RBFOX1: variants seen among roughly 807,000 people sequenced by gnomAD.
RBFOX1 encodes RNA binding protein fox-1 homolog 1.
A neutral mutation model predicts 57.7 loss-of-function variants in RBFOX1; 8 were observed. The ratio of observed to expected loss-of-function variants is 0.14; its 90% CI spans 0.08 to 0.25. The LOEUF (loss-of-function observed/expected upper bound fraction) is 0.25. RBFOX1 is among the 10% of genes least tolerant of loss of function. RBFOX1 has a pLI of 1.00. For synonymous variants in RBFOX1, 326 were observed against 222.4 expected (o/e 1.47, Z -4.15); for missense variants, 611 against 548.5 (o/e 1.11, Z -1.14).
At chr16:5,761,503 C>G (rs528730968) in intron 3 of RBFOX1, among the ~76,000 whole-genome samples, 8 of 152,294 alleles carry the variant, frequency 5.3e-5, no homozygotes, top group Non-Finnish European at 1.0e-4. Flanking sequence ...TGGGAGTCCT[C>G]ACAATCATGA....
At chr16:7,702,955 A>T (rs551441298) in intron 14 of RBFOX1, among the ~76,000 whole-genome samples, 1 of 152,184 alleles carries the variant, frequency 6.6e-6, no homozygotes, top group African/African-American at 2.4e-5. Context: ...TTACCTTCTG[A>T]TGTCCCCCTT....
At position 6,456,036 on chromosome 16, in the gene RBFOX1, A is replaced by T. The variant is rs554959579; in HGVS notation, c.-64+138979A>T. Among the ~76,000 whole-genome samples, 5 of 53,838 alleles carry T rather than the reference A, an allele frequency of 9.3e-5. No homozygotes were observed. In the East Asian group the frequency reaches 2.6e-3, roughly 29 times the overall value. The allele number at this position is 53,838 out of a possible 152,430, so 35.3% of individuals were successfully genotyped here. On this transcript the variant is annotated intron_variant, in intron 2 of 15. Coordinates refer to ENST00000550418, the MANE Select transcript of RBFOX1 (RefSeq NM_018723.4). ...CTGATAAAATGCAAAGAAAAGAAGAAAGAAAAAAAGAAACAAAGATTATAT... is the reference window on the plus strand; with the variant it reads ...CTGATAAAATGCAAAGAAAAGAAGATAGAAAAAAAGAAACAAAGATTATAT...
rs192368390 is a variant in RBFOX1, at chr16:7,676,002, C to G, written c.931-772C>G. Among the ~76,000 whole-genome samples the G allele has an allele frequency of 2.1e-3, 323 of 152,312 alleles. 1 individual carries two copies. Among genetic ancestry groups the G allele is most frequent in the Non-Finnish European group, 3.4e-3 (233 of 68,030 alleles). ...TTGAATATGCCTATTTGCTCGTCCT[C>G]TTTGCTTAATTGAACAATTGCAATT... On this transcript the variant is annotated intron_variant, in intron 13 of 15. Transcript: ENST00000550418.
chr16:7,276,838 C>T (rs1043905099), intron 4 of RBFOX1, among the ~76,000 whole-genome samples: 1 of 152,164 alleles, frequency 6.6e-6, no homozygotes, highest in Non-Finnish European at 1.5e-5. Context: ...GGTAATGCTG[C>T]TGCTCAGAAG....
At chr16:6,854,266 A>C (rs2057382536) in intron 3 of RBFOX1, among the ~76,000 whole-genome samples, 2 of 152,138 alleles carry the variant, frequency 1.3e-5, no homozygotes, top group African/African-American at 4.8e-5. Context: ...ACCATTTCCT[A>C]GTTAGAGAAT....
chr16:7,120,343 T>C (rs934436327), intron 4 of RBFOX1, among the ~76,000 whole-genome samples: 1 of 61,582 alleles, frequency 1.6e-5, no homozygotes, highest in Non-Finnish European at 2.8e-5. Context: ...AAATGTAAGA[T>C]TAAAAAAATG....
intron 3 of RBFOX1, among the ~76,000 whole-genome samples, chr16:7,046,237 G>GGTGTGTGTGTGTGTGTGT (rs34943266): frequency 1.4e-5 from 2 of 146,590 alleles, no homozygotes; most frequent in Admixed American, 1.4e-4. Context: ...TAGGTAAAGG[G>GGTGTGTGTGTGTGTGTGT]GTGTGTGTGT....
At chr16:7,134,088 T>C (rs1480460397) in intron 4 of RBFOX1, among the ~76,000 whole-genome samples, 6 of 152,216 alleles carry the variant, frequency 3.9e-5, no homozygotes, top group African/African-American at 1.4e-4. Flanking sequence ...CTTGGCAGTT[T>C]GTTATGCTGT....
intron 2 of RBFOX1, among the ~76,000 whole-genome samples, chr16:6,523,272 A>C (rs1261918622): frequency 6.6e-6 from 1 of 152,026 alleles, no homozygotes; most frequent in Admixed American, 6.6e-5. Context: ...GAAGGAAGAG[A>C]CAGAGGGAGG....
chr16:6,918,482 T>C (rs886921170), intron 3 of RBFOX1, among the ~76,000 whole-genome samples: 5 of 152,158 alleles, frequency 3.3e-5, no homozygotes, highest in Non-Finnish European at 5.9e-5. Context: ...ATCAAATTAA[T>C]TGTTAATTAA....
At chr16:6,214,171 T>A (rs1251181942) in intron 1 of RBFOX1, among the ~76,000 whole-genome samples, 1 of 152,218 alleles carries the variant, frequency 6.6e-6, no homozygotes, top group East Asian at 1.9e-4. Context: ...TGTACCTCTC[T>A]CCTTCTCTCC....
chr16:7,379,840 C>CTTCCCTTCT (rs1338760481), intron 4 of RBFOX1, among the ~76,000 whole-genome samples: 1 of 151,498 alleles, frequency 6.6e-6, no homozygotes, highest in Non-Finnish European at 1.5e-5. Flanking sequence ...CCTTCCCTTC[C>CTTCCCTTCT]TTCCTCTTTT....
chr16:5,888,262 T>A (rs1034949876), intron 4 of RBFOX1, among the ~76,000 whole-genome samples: 4 of 152,216 alleles, frequency 2.6e-5, no homozygotes. Flanking sequence ...CTTCTTCCTG[T>A]GGGCCACCTT....
intron 4 of RBFOX1, among the ~76,000 whole-genome samples, chr16:5,958,785 T>C (rs2059695328): frequency 6.6e-6 from 1 of 152,180 alleles, no homozygotes; most frequent in African/African-American, 2.4e-5. Flanking sequence ...CCACCCACAT[T>C]CCTTGGCTGG....
At chr16:6,879,263 TTATC>T (rs1411630575) in intron 3 of RBFOX1, among the ~76,000 whole-genome samples, 3 of 152,220 alleles carry the variant, frequency 2.0e-5, no homozygotes, top group Non-Finnish European at 4.4e-5. Flanking sequence ...GTGAATTTAT[TTATC>T]AGCCAGTTTT....
rs576328512 is a variant in RBFOX1 at position 7,438,000 on chromosome 16, C to A, written c.28-80147C>A. Reference sequence around the variant, plus strand: ...TTTTAGGATGCACTTTAGAAGTCCACGTGGAATAATCCCTGCATGTCAGTG... The same window carrying A: ...TTTTAGGATGCACTTTAGAAGTCCAAGTGGAATAATCCCTGCATGTCAGTG... On this transcript the variant is annotated intron_variant, in intron 4 of 15. Coordinates refer to ENST00000550418, the MANE Select transcript of RBFOX1 (RefSeq NM_018723.4). Among the ~76,000 whole-genome samples, 5 of 151,962 alleles carry A rather than the reference C, an allele frequency of 3.3e-5. No individual in the cohort carries two copies. In the South Asian group the frequency reaches 1.0e-3, roughly 32 times the overall value.
At chr16:5,385,607 C>T (rs959711098) in intron 1 of RBFOX1, among the ~76,000 whole-genome samples, 1 of 152,156 alleles carries the variant, frequency 6.6e-6, no homozygotes, top group African/African-American at 2.4e-5. Context: ...CCTTATGTGC[C>T]AAAGTGACAT....
intron 14 of RBFOX1, among the ~76,000 whole-genome samples, chr16:7,682,168 A>G (rs1313878940): frequency 1.3e-5 from 2 of 152,162 alleles, no homozygotes; most frequent in South Asian, 2.1e-4. Context: ...AGTTTTAGAC[A>G]TCCAATTTTG....
chr16:5,651,921 T>C (rs1032004435), intron 3 of RBFOX1, among the ~76,000 whole-genome samples: 1 of 152,058 alleles, frequency 6.6e-6, no homozygotes, highest in African/African-American at 2.4e-5. Flanking sequence ...TCGCTTGAGG[T>C]CAGGAGTTCA....
Sources: allele counts gnomAD v4.1 joint callset (sites outside exome capture counted in the v4.1 genomes callset), GRCh38; gene constraint gnomAD v4.1.1; transcripts MANE v1.5; gene names NCBI Gene and HGNC (gene_info 2026-07-23, HGNC 2026-07-21).